The following LRMDA variants were observed in gnomAD, a reference collection of about 807,000 sequenced individuals.
LRMDA encodes leucine rich melanocyte differentiation associated.
Under a neutral mutation model 29.8 loss-of-function variants are expected in LRMDA, and 18 were observed. That is an observed-to-expected ratio of 0.60 (90% CI 0.42 to 0.90). LRMDA has a LOEUF of 0.90. LRMDA is among the 40% of genes least tolerant of loss of function. The pLI, the probability that LRMDA is intolerant of heterozygous loss-of-function variation, is 0.00. For synonymous variants in LRMDA, 125 were observed against 109.4 expected (o/e 1.14, Z -0.89); for missense variants, 273 against 273.9 (o/e 1.00, Z 0.02).
intron 2 of LRMDA, among the ~76,000 whole-genome samples, chr10:75,492,226 G>T (rs536283457): frequency 3.3e-5 from 5 of 152,282 alleles, no homozygotes; most frequent in East Asian, 3.9e-4. Context: ...TTTAATAGGG[G>T]ATGAATTCAC....
At chr10:75,586,748 T>A in intron 2 of LRMDA, among the ~76,000 whole-genome samples, 1 of 152,088 alleles carries the variant, frequency 6.6e-6, no homozygotes, top group East Asian at 1.9e-4. Flanking sequence ...TTTTTTTTCA[T>A]TGGTCATTTA....
intron 2 of LRMDA, among the ~76,000 whole-genome samples, chr10:75,578,833 G>GA (rs138199632): frequency 0.57 from 77,040 of 135,376 alleles, 23,664 homozygotes; most frequent in Non-Finnish European, 0.69. Flanking sequence ...GATGTTCTTT[G>GA]AAAAAAAAAA....
At chr10:76,057,354 ATAG>A (rs1434282476) in intron 4 of LRMDA, among the ~76,000 whole-genome samples, 1 of 152,244 alleles carries the variant, frequency 6.6e-6, no homozygotes, top group Non-Finnish European at 1.5e-5. Flanking sequence ...GGCCTGGCAC[ATAG>A]TAGGTGATCA....
chr10:75,564,440 C>G (rs887198671), intron 2 of LRMDA, among the ~76,000 whole-genome samples: 1 of 152,202 alleles, frequency 6.6e-6, no homozygotes, highest in African/African-American at 2.4e-5. Flanking sequence ...GTCTTTCACC[C>G]CTTTCTTTGA....
chr10:75,533,568 ATAAT>A (rs910837556), intron 2 of LRMDA, among the ~76,000 whole-genome samples: 1 of 152,242 alleles, frequency 6.6e-6, no homozygotes, highest in African/African-American at 2.4e-5. Flanking sequence ...AAGTAGGTAA[ATAAT>A]AAATTATGTC....
intron 5 of LRMDA, among the ~76,000 whole-genome samples, chr10:76,320,625 T>C (rs1273362403): frequency 1.3e-5 from 2 of 152,204 alleles, no homozygotes. Context: ...TTAAAAAAAT[T>C]TCAGGCTTAA....
chr10:76,334,079 A>G (rs906029512), intron 6 of LRMDA, among the ~76,000 whole-genome samples: 10 of 152,358 alleles, frequency 6.6e-5, no homozygotes, highest in African/African-American at 2.4e-4. Flanking sequence ...AAAAGCAGGC[A>G]GAGCAGCCAC....
intron 5 of LRMDA, among the ~76,000 whole-genome samples, chr10:76,127,354 G>A (rs201996188): frequency 2.2e-4 from 33 of 152,272 alleles, no homozygotes; most frequent in Admixed American, 2.0e-4. Flanking sequence ...GCAACTTGGC[G>A]TATTCACCCA....
chr10:75,586,754 A>G (rs1299213704), intron 2 of LRMDA, among the ~76,000 whole-genome samples: 1 of 150,742 alleles, frequency 6.6e-6, no homozygotes, highest in African/African-American at 2.4e-5. Flanking sequence ...TTCATTGGTC[A>G]TTTATATGCT....
intron 2 of LRMDA, among the ~76,000 whole-genome samples, chr10:75,840,082 G>A (rs983827968): frequency 6.6e-6 from 1 of 151,876 alleles, no homozygotes; most frequent in Non-Finnish European, 1.5e-5. Context: ...TTTCCCTATT[G>A]GCAGAACTTC....
intron 5 of LRMDA, among the ~76,000 whole-genome samples, chr10:76,283,486 G>C (rs1840232374): frequency 3.3e-5 from 5 of 152,176 alleles, no homozygotes; most frequent in Admixed American, 3.3e-4. Context: ...GGAAATTTCA[G>C]TGATCTGTAC....
intron 5 of LRMDA, among the ~76,000 whole-genome samples, chr10:76,119,804 G>A (rs1008829107): frequency 8.5e-5 from 13 of 152,128 alleles, no homozygotes; most frequent in African/African-American, 2.4e-4. Context: ...ATAATAATTC[G>A]TCATGGCTTT....
At chr10:75,845,030 T>C (rs1217261665) in intron 2 of LRMDA, among the ~76,000 whole-genome samples, 2 of 152,246 alleles carry the variant, frequency 1.3e-5, no homozygotes, top group Non-Finnish European at 2.9e-5. Context: ...AGTATAATTA[T>C]ATCATTCATG....
At chr10:75,810,674 T>C (rs1843942592) in intron 2 of LRMDA, among the ~76,000 whole-genome samples, 1 of 152,132 alleles carries the variant, frequency 6.6e-6, no homozygotes, top group Admixed American at 6.5e-5. Flanking sequence ...TTTGCTTTGT[T>C]TTTGCTTTGG....
chr10:76,369,328 A>C (rs2132455825), intron 6 of LRMDA, among the ~76,000 whole-genome samples: 1 of 152,232 alleles, frequency 6.6e-6, no homozygotes, highest in South Asian at 2.1e-4. Context: ...GAGTTCTCTC[A>C]GCATTTGTTT....
intron 6 of LRMDA, among the ~76,000 whole-genome samples, chr10:76,333,418 A>G (rs1417646588): frequency 1.3e-5 from 2 of 152,206 alleles, no homozygotes; most frequent in Admixed American, 6.5e-5. Context: ...CCAGATAACC[A>G]GGTTCTGTGC....
intron 6 of LRMDA, among the ~76,000 whole-genome samples, chr10:76,413,581 A>G (rs1015858885): frequency 1.3e-5 from 2 of 152,150 alleles, no homozygotes; most frequent in Non-Finnish European, 2.9e-5. Context: ...CCCACAACAC[A>G]TGGGAATGAT....
intron 2 of LRMDA, among the ~76,000 whole-genome samples, chr10:75,772,272 G>A (rs557035761): frequency 1.3e-5 from 2 of 152,240 alleles, no homozygotes; most frequent in South Asian, 4.2e-4. Flanking sequence ...AATTTTATGA[G>A]GGCCTTTCTT....
chr10:76,398,819 T>G (rs1841817749), intron 6 of LRMDA, among the ~76,000 whole-genome samples: 1 of 152,216 alleles, frequency 6.6e-6, no homozygotes, highest in Non-Finnish European at 1.5e-5. Context: ...ATGGTTTCTC[T>G]TGGGAGGCCA....
Sources: allele counts gnomAD v4.1 joint callset (sites outside exome capture counted in the v4.1 genomes callset), GRCh38; gene constraint gnomAD v4.1.1; transcripts MANE v1.5; gene names NCBI Gene and HGNC (gene_info 2026-07-23, HGNC 2026-07-21).